Variants in DAB1 observed in about 807,000 individuals in gnomAD.
The protein encoded by DAB1 is DAB adaptor protein 1.
DAB1 carries 15 observed loss-of-function variants against 64.6 expected under a neutral mutation model. The ratio of observed to expected loss-of-function variants is 0.23; its 90% CI spans 0.16 to 0.36. The LOEUF is 0.36. Ranked by LOEUF, DAB1 falls within the 10% of genes least tolerant of loss-of-function variation. The probability of loss-of-function intolerance (pLI) is 1.00; values close to 1 mark genes in which losing one functional copy is unlikely to be tolerated. For missense variants in DAB1, 596 were observed against 706.7 expected, an observed-to-expected ratio of 0.84 and a Z score of 1.78; for synonymous variants, 235 against 251.9, an observed-to-expected ratio of 0.93 and a Z score of 0.64.
intron 4 of DAB1, among the ~76,000 whole-genome samples, chr1:58,257,952 T>G (rs1274577834): frequency 1.3e-5 from 2 of 152,162 alleles, no homozygotes; most frequent in African/African-American, 2.4e-5. Context: ...GCTTTGAGTG[T>G]GATGTTTAGT....
intron 1 of DAB1, chr1:58,534,335 A>C (rs1280358911): frequency 1.2e-6 from 1 of 835,022 alleles, no homozygotes; most frequent in Non-Finnish European, 2.1e-6. Flanking sequence ...CCATCCACTG[A>C]AAGATTAAAA....
In DAB1 at chr1:58,091,935, A is replaced by AACAC. The variant is rs59390109; in HGVS notation, n.387+58572_387+58575dup. ...AGTTAGGATGCTTTGAGCTGCATTA[A>AACAC]ACACACACACACACACACACACACA... On this transcript the variant is annotated intron_variant and non_coding_transcript_variant, in intron 5 of 20. Coordinates refer to the DAB1 transcript ENST00000485760. Among the ~76,000 whole-genome samples, 1,022 of 141,916 alleles carry AACAC rather than the reference A, an allele frequency of 7.2e-3. 10 individuals carry two copies. The highest frequency in any genetic ancestry group is 0.012 in the African/African-American group (454 of 36,998). 93.1% of individuals were successfully genotyped at this position (141,916 alleles called of 152,430 possible).
chr1:57,082,027 G>C (rs547434723), intron 4 of DAB1, among the ~76,000 whole-genome samples: 2 of 152,210 alleles, frequency 1.3e-5, no homozygotes, highest in South Asian at 2.1e-4. Flanking sequence ...AAAGGACATA[G>C]AAGCAATGAA....
At chr1:58,413,320 T>C (rs1347161012) in intron 3 of DAB1, among the ~76,000 whole-genome samples, 1 of 152,200 alleles carries the variant, frequency 6.6e-6, no homozygotes, top group East Asian at 1.9e-4. Flanking sequence ...GGTAATTACA[T>C]TAATTATCTC....
At chr1:58,137,812 C>T (rs911272428) in intron 5 of DAB1, among the ~76,000 whole-genome samples, 4 of 152,144 alleles carry the variant, frequency 2.6e-5, no homozygotes, top group African/African-American at 9.7e-5. Context: ...ATTCAAGTGT[C>T]ACAAATAGAG....
At chr1:58,465,791 C>T (rs185209016) in intron 3 of DAB1, among the ~76,000 whole-genome samples, 1 of 152,152 alleles carries the variant, frequency 6.6e-6, no homozygotes, top group Non-Finnish European at 1.5e-5. Flanking sequence ...GAGACAGGAA[C>T]CGTCATTATC....
At chr1:58,190,755 T>C (rs139567299) in intron 4 of DAB1, among the ~76,000 whole-genome samples, 1 of 152,236 alleles carries the variant, frequency 6.6e-6, no homozygotes, top group Non-Finnish European at 1.5e-5. Flanking sequence ...AGGAAACATC[T>C]TTGGAAATGC....
At chr1:57,924,626 A>ATT (rs34750244) in intron 5 of DAB1, among the ~76,000 whole-genome samples, 3,293 of 131,802 alleles carry the variant, frequency 0.025, 81 homozygotes, top group East Asian at 0.067. Context: ...CACTTGGCTA[A>ATT]TTTTTTTTTT....
intron 1 of DAB1, among the ~76,000 whole-genome samples, chr1:57,361,283 G>A (rs562056225): frequency 1.3e-5 from 2 of 152,302 alleles, no homozygotes; most frequent in East Asian, 1.9e-4. Flanking sequence ...GACAGTCTAT[G>A]TTTTAGAGCA....
At chr1:58,415,277 C>G (rs994611800) in intron 3 of DAB1, 1 of 158,788 alleles carries the variant, frequency 6.3e-6, no homozygotes. Context: ...CTTCCCGCCT[C>G]CAGAACTGTG....
intron 4 of DAB1, among the ~76,000 whole-genome samples, chr1:58,314,178 G>T (rs548520189): frequency 1.3e-5 from 2 of 152,126 alleles, no homozygotes; most frequent in East Asian, 3.9e-4. Flanking sequence ...TTAGATATGG[G>T]GGTCTGTTCT....
intron 2 of DAB1, among the ~76,000 whole-genome samples, chr1:57,233,326 G>C (rs1667841461): frequency 7.5e-6 from 1 of 134,048 alleles, no homozygotes; most frequent in African/African-American, 2.7e-5. Flanking sequence ...GCAGTGGCGG[G>C]ATCTCGGCTC....
At chr1:58,309,760 CT>C (rs1384455238) in intron 4 of DAB1, among the ~76,000 whole-genome samples, 1 of 152,014 alleles carries the variant, frequency 6.6e-6, no homozygotes, top group Non-Finnish European at 1.5e-5. Context: ...GTACTAATGA[CT>C]GTATTAATAA....
chr1:57,424,513 C>G (rs1196592191), upstream of DAB1, among the ~76,000 whole-genome samples: 2 of 152,184 alleles, frequency 1.3e-5, no homozygotes, highest in African/African-American at 2.4e-5. Context: ...ACAAAGTATC[C>G]AGTGTTTTCT....
At chr1:57,994,045 T>A (rs556881122) in intron 5 of DAB1, among the ~76,000 whole-genome samples, 1 of 152,198 alleles carries the variant, frequency 6.6e-6, no homozygotes, top group Non-Finnish European at 1.5e-5. Context: ...AAGGCTACTA[T>A]AGCAGAAGGC....
At chr1:58,530,775 C>T (rs746634042) in intron 1 of DAB1, 1 of 848,138 alleles carries the variant, frequency 1.2e-6, no homozygotes, top group South Asian at 1.3e-5. Flanking sequence ...TACATTGAGA[C>T]AGTATATGCT....
At chr1:57,488,937 T>C (rs867312742) in intron 7 of DAB1, among the ~76,000 whole-genome samples, 42 of 152,216 alleles carry the variant, frequency 2.8e-4, no homozygotes, top group Admixed American at 2.4e-3. Flanking sequence ...ATCTCTTTTA[T>C]TACTCTACTA....
intron 5 of DAB1, among the ~76,000 whole-genome samples, chr1:57,932,123 T>C (rs1644962255): frequency 6.6e-6 from 1 of 152,186 alleles, no homozygotes; most frequent in African/African-American, 2.4e-5. Context: ...TAGAAGTGTG[T>C]TGTTTAATCT....
Position 58,534,277 on chromosome 1 carries a change from C to T in DAB1, n.33-6942G>A, listed in dbSNP as rs201766894. 1.4e-5 allele frequency: 12 copies of T among 870,552 alleles called. No individual in the cohort carries two copies. The East Asian group carries it at 2.6e-4, about 19-fold the overall frequency. The allele number at this position is 870,552 out of a possible 1,614,324, so 53.9% of individuals were successfully genotyped here. A position where few individuals can be genotyped will look rare whatever the true frequency, so the allele number is the denominator to read the frequency against. On this transcript the variant is annotated intron_variant and non_coding_transcript_variant, in intron 1 of 20. Coordinates refer to the DAB1 transcript ENST00000485760. Reference sequence around the variant, plus strand: ...AGATGACAAAGCACTTCTTTAACAGCCAGGTATCGGGCATCTTTCTCAGTT... The same window carrying T: ...AGATGACAAAGCACTTCTTTAACAGTCAGGTATCGGGCATCTTTCTCAGTT...
Sources: gnomAD v4.1 joint callset for allele counts (sites outside exome capture counted in the v4.1 genomes callset) on GRCh38, gnomAD v4.1.1 for gene constraint, MANE v1.5 for transcripts, NCBI Gene and HGNC (gene_info 2026-07-23, HGNC 2026-07-21) for gene names.